The following GDPD1 variants were observed in gnomAD, a reference collection of about 807,000 sequenced individuals.
GDPD1 encodes the protein glycerophosphodiester phosphodiesterase domain containing 1, also known as lysophospholipase D GDPD1.
Under a neutral mutation model 45.1 loss-of-function variants are expected in GDPD1, and 28 were observed. The ratio of observed to expected loss-of-function variants is 0.62; its 90% CI spans 0.46 to 0.85. The LOEUF (loss-of-function observed/expected upper bound fraction) is 0.85. GDPD1 is among the 40% of genes least tolerant of loss of function. The pLI, the probability that GDPD1 is intolerant of heterozygous loss-of-function variation, is 0.00. For missense variants in GDPD1, 256 were observed against 364.8 expected, an observed-to-expected ratio of 0.70 and a Z score of 2.43; for synonymous variants, 139 against 131.4, an observed-to-expected ratio of 1.06 and a Z score of -0.40.
intron 1 of GDPD1, among the ~76,000 whole-genome samples, chr17:59,226,492 C>T (rs1316974244): frequency 1.3e-5 from 2 of 152,058 alleles, no homozygotes; most frequent in Non-Finnish European, 2.9e-5. Context: ...AAAATTTTAG[C>T]ATATTAAAGC....
chr17:59,267,280 G>T, intron 7 of GDPD1, 106 bp downstream of exon 7: 1 of 1,024,692 alleles, frequency 9.8e-7, no homozygotes, highest in South Asian at 1.5e-5. Context: ...TTTCTGTAGT[G>T]ATTTCCATGT....
Position 59,274,103 on chromosome 17 carries a change from T to TACAGAAATCTTGATCAATAACCTAGATA in GDPD1, c.*356_*357insTAACAGAAATCTTGATCAATAACCTAGA. ...ACAGAAATGTACATACTACATCATC[T>TACAGAAATCTTGATCAATAACCTAGATA]ACAGAAATCTTGATCAATAACCTAG... On this transcript the variant is annotated 3_prime_UTR_variant, in exon 10 of 10. Coordinates refer to ENST00000284116, the MANE Select transcript of GDPD1 (RefSeq NM_182569.4). 1 of 767,534 alleles carries TACAGAAATCTTGATCAATAACCTAGATA rather than the reference T, an allele frequency of 1.3e-6. No homozygotes were observed. Among genetic ancestry groups the TACAGAAATCTTGATCAATAACCTAGATA allele is most frequent in the Non-Finnish European group, 1.6e-6 (1 of 631,922 alleles). 47.5% of individuals were successfully genotyped at this position (767,534 alleles called of 1,614,324 possible).
chr17:59,251,219 A>AT (rs1249358916), intron 4 of GDPD1, among the ~76,000 whole-genome samples: 1 of 152,210 alleles, frequency 6.6e-6, no homozygotes, highest in Non-Finnish European at 1.5e-5. Context: ...CAAATGTTGT[A>AT]TTAAGAACAA....
At chr17:59,272,885 TA>T (rs745682734) in intron 9 of GDPD1, 49 bp downstream of exon 9, 2 of 1,613,118 alleles carry the variant, frequency 1.2e-6, no homozygotes, top group African/African-American at 2.7e-5. Context: ...CTCACCAGTT[TA>T]ACACAAATAT....
rs376056733 is a variant in GDPD1 at position 59,255,835 on chromosome 17, A to G, written c.368-1287A>G. 1.2e-4 allele frequency among the ~76,000 whole-genome samples: 10 copies of G among 84,628 alleles called. 1 individual carries two copies. Among genetic ancestry groups the G allele is most frequent in the African/African-American group, 2.4e-4 (3 of 12,700 alleles). 55.5% of individuals were successfully genotyped at this position (84,628 alleles called of 152,430 possible). A position where few individuals can be genotyped will look rare whatever the true frequency, so the allele number is the denominator to read the frequency against. Reference sequence around the variant, plus strand: ...TACGCGTATATATATATACGCGTATATATATATATATATATACACACGTAT... The same window carrying G: ...TACGCGTATATATATATACGCGTATGTATATATATATATATACACACGTAT... On this transcript the variant is annotated intron_variant, in intron 4 of 9. Transcript: ENST00000284116.
intron 4 of GDPD1, among the ~76,000 whole-genome samples, chr17:59,253,055 C>A (rs1027761011): frequency 2.0e-5 from 3 of 152,084 alleles, no homozygotes; most frequent in Non-Finnish European, 2.9e-5. Context: ...TTGAAGGTAA[C>A]CTTTTTTTTT....
intron 6 of GDPD1, among the ~76,000 whole-genome samples, chr17:59,260,016 C>T (rs1258789566): frequency 8.2e-6 from 1 of 122,294 alleles, no homozygotes; most frequent in Non-Finnish European, 1.6e-5. Context: ...AGCCAAGATC[C>T]TGCCACTGCA....
intron 2 of GDPD1, 69 bp downstream of exon 2, chr17:59,234,603 A>C (rs531921701): frequency 1.0e-6 from 1 of 990,286 alleles, no homozygotes; most frequent in African/African-American, 1.6e-5. Flanking sequence ...TAAAGTGATG[A>C]TGATCCACAA....
chr17:59,224,639 A>G (rs1264632692), intron 1 of GDPD1, among the ~76,000 whole-genome samples: 2 of 144,126 alleles, frequency 1.4e-5, no homozygotes, highest in Non-Finnish European at 3.1e-5. Context: ...AAAAAAAAAA[A>G]CAAAAAACAA....
At chr17:59,263,465 A>G (rs1325660022) in intron 6 of GDPD1, among the ~76,000 whole-genome samples, 2 of 130,000 alleles carry the variant, frequency 1.5e-5, no homozygotes, top group East Asian at 2.2e-4. Flanking sequence ...CAACTTTTGC[A>G]ATTCTTTTTT....
intron 2 of GDPD1, among the ~76,000 whole-genome samples, chr17:59,238,960 C>G (rs1390740763): frequency 6.6e-6 from 1 of 152,080 alleles, no homozygotes; most frequent in Non-Finnish European, 1.5e-5. Context: ...GCCACTAAAC[C>G]CTTGAGTATG....
chr17:59,252,553 C>T (rs537794926), intron 4 of GDPD1, among the ~76,000 whole-genome samples: 3 of 151,962 alleles, frequency 2.0e-5, no homozygotes, highest in African/African-American at 7.2e-5. Context: ...CAAAAATTAG[C>T]CAATTGTGGT....
chr17:59,271,881 C>G (rs2047447066), intron 8 of GDPD1, among the ~76,000 whole-genome samples: 1 of 151,978 alleles, frequency 6.6e-6, no homozygotes, highest in Non-Finnish European at 1.5e-5. Flanking sequence ...GTGATCTGCC[C>G]ACCTCAGCCT....
At chr17:59,246,683 T>C (rs2047213567) in intron 3 of GDPD1, among the ~76,000 whole-genome samples, 1 of 106,976 alleles carries the variant, frequency 9.3e-6, no homozygotes, top group Non-Finnish European at 1.7e-5. Flanking sequence ...CATTCCAGGC[T>C]GGTTGAAAAG....
In GDPD1 at chr17:59,274,509, T is replaced by C; in HGVS notation, c.*736T>C. 1 of 78,518 alleles carries C rather than the reference T, an allele frequency of 1.3e-5. No homozygotes were observed. The highest frequency in any genetic ancestry group is 2.1e-5 in the Non-Finnish European group (1 of 47,540). The allele number at this position is 78,518 out of a possible 1,614,324, so 4.9% of individuals were successfully genotyped here. A position where few individuals can be genotyped will look rare whatever the true frequency, so the allele number is the denominator to read the frequency against. On this transcript the variant is annotated 3_prime_UTR_variant, in exon 10 of 10. Transcript: ENST00000284116. ...GCCTGGGAGACAGAGTGAGACTCCG[T>C]CTCAAAAAAAAAAAAAAAAAAAAAA...
intron 6 of GDPD1, among the ~76,000 whole-genome samples, chr17:59,259,469 AGGCAGGAGAATGGC>A (rs1275624060): frequency 1.4e-5 from 2 of 144,466 alleles, no homozygotes; most frequent in African/African-American, 2.6e-5. Context: ...CAGGAGGCTG[AGGCAGGAGAATGGC>A]GTGAACCCGG....
intron 2 of GDPD1, among the ~76,000 whole-genome samples, chr17:59,235,324 AC>A (rs2047123450): frequency 6.6e-6 from 1 of 152,172 alleles, no homozygotes; most frequent in Non-Finnish European, 1.5e-5. Context: ...ATTTGACTTC[AC>A]TTTTTGTTCT....
At chr17:59,262,691 G>C (rs1158307811) in intron 6 of GDPD1, among the ~76,000 whole-genome samples, 1 of 149,672 alleles carries the variant, frequency 6.7e-6, no homozygotes, top group Non-Finnish European at 1.5e-5. Flanking sequence ...GCAATGGTGC[G>C]ATCTTGGCTC....
intron 6 of GDPD1, among the ~76,000 whole-genome samples, chr17:59,263,716 G>C (rs545789820): frequency 6.6e-6 from 1 of 151,752 alleles, no homozygotes; most frequent in African/African-American, 2.4e-5. Flanking sequence ...CCAACCTCAG[G>C]TGATCCACCT....
Sources: allele counts gnomAD v4.1 joint callset (sites outside exome capture counted in the v4.1 genomes callset), GRCh38; gene constraint gnomAD v4.1.1; transcripts MANE v1.5; gene names NCBI Gene and HGNC (gene_info 2026-07-23, HGNC 2026-07-21).